LIFR: variants seen among roughly 807,000 people sequenced by gnomAD.
LIFR encodes the protein leukemia inhibitory factor receptor.
Under a neutral mutation model 122.2 loss-of-function variants are expected in LIFR, and 84 were observed. The ratio of observed to expected loss-of-function variants is 0.69; its 90% CI spans 0.58 to 0.82. The LOEUF is 0.82. Ranked by LOEUF, LIFR falls within the 40% of genes least tolerant of loss-of-function variation. The pLI, the probability that LIFR is intolerant of heterozygous loss-of-function variation, is 0.00. For missense variants in LIFR, 1,294 were observed against 1,311.6 expected (o/e 0.99, Z 0.21); for synonymous variants, 422 against 434.7 (o/e 0.97, Z 0.36).
chr5:38,544,908 T>C (rs1747791109), intron 1 of LIFR, among the ~76,000 whole-genome samples: 1 of 152,158 alleles, frequency 6.6e-6, no homozygotes, highest in Non-Finnish European at 1.5e-5. Context: ...GTAAACTGAA[T>C]AATGGATGAA....
Position 38,476,744 on chromosome 5 carries a change from ACT to A in LIFR, c.*4849_*4850del, listed in dbSNP as rs1743741035. 4.7e-6 allele frequency: 1 copy of A among 210,674 alleles called. No homozygotes were observed. The highest frequency in any genetic ancestry group is 7.2e-5 in the East Asian group (1 of 13,938). The allele number at this position is 210,674 out of a possible 1,614,324, so 13.1% of individuals were successfully genotyped here. On this transcript the variant is annotated 3_prime_UTR_variant, in exon 20 of 20. Transcript: ENST00000453190. ...TTTCTTTTATAAGAGCTTTTGATGT[ACT>A]GTTTCTACGGTTCTTTAGGCACTTA...
At chr5:38,525,864 C>A (rs1288726733) in intron 4 of LIFR, among the ~76,000 whole-genome samples, 1 of 152,176 alleles carries the variant, frequency 6.6e-6, no homozygotes, top group East Asian at 1.9e-4. Flanking sequence ...ATTTATGAAA[C>A]ACGGGAGTAT....
chr5:38,488,703 ACT>A (rs996054404), intron 16 of LIFR, among the ~76,000 whole-genome samples: 3 of 152,144 alleles, frequency 2.0e-5, no homozygotes, highest in African/African-American at 7.2e-5. Context: ...TCTGAAGCTA[ACT>A]CTTTGGATTC....
intron 1 of LIFR, among the ~76,000 whole-genome samples, chr5:38,538,921 A>ACCT (rs1747433447): frequency 6.6e-6 from 1 of 150,456 alleles, no homozygotes; most frequent in Non-Finnish European, 1.5e-5. Context: ...ATCTTCTTCC[A>ACCT]CCTCCTCTAC....
At chr5:38,487,811 C>T (rs1381613646) in intron 16 of LIFR, among the ~76,000 whole-genome samples, 2 of 152,060 alleles carry the variant, frequency 1.3e-5, no homozygotes, top group Non-Finnish European at 2.9e-5. Flanking sequence ...TTCAATCGAC[C>T]CCTCCGTTCA....
At chr5:38,482,919 A>C (rs951603790) in intron 18 of LIFR, among the ~76,000 whole-genome samples, 1 of 152,228 alleles carries the variant, frequency 6.6e-6, no homozygotes, top group Non-Finnish European at 1.5e-5. Context: ...GAAAATGGAA[A>C]GCAAGTAATT....
At chr5:38,485,308 C>T (rs531284333) in intron 17 of LIFR, among the ~76,000 whole-genome samples, 1 of 152,292 alleles carries the variant, frequency 6.6e-6, no homozygotes, top group South Asian at 2.1e-4. Flanking sequence ...ACCATATCCT[C>T]ATGGCTCTTT....
chr5:38,552,083 C>A (rs1160359097), intron 1 of LIFR, among the ~76,000 whole-genome samples: 1 of 151,966 alleles, frequency 6.6e-6, no homozygotes, highest in African/African-American at 2.4e-5. Context: ...AGACTGAGGA[C>A]CTAAAGAACC....
At position 38,510,573 on chromosome 5, in the gene LIFR, C is replaced by T. The variant is rs1745742866; in HGVS notation, c.882G>A (p.Gly294=). The part of the protein sequence containing the change: ...HTNCPLIHLD[G]ENVAIKIRNI... Reference sequence around the variant, plus strand: ...TACGAATCTTGATTGCAACATTTTCCCCATCAAGATGGATCAAGGGGCAGT... The same window carrying T: ...TACGAATCTTGATTGCAACATTTTCTCCATCAAGATGGATCAAGGGGCAGT... The change falls in exon 7 of 20, where the codon GGG becomes GGA. Residue 294 remains glycine (G), a synonymous_variant. Transcript: ENST00000453190. The T allele has an allele frequency of 2.5e-6, 4 of 1,613,910 alleles. No individual in the cohort carries two copies. The highest frequency in any genetic ancestry group is 3.4e-6 in the Non-Finnish European group (4 of 1,179,914).
chr5:38,526,607 T>C (rs1580116137), intron 4 of LIFR, among the ~76,000 whole-genome samples: 1 of 152,178 alleles, frequency 6.6e-6, no homozygotes, highest in African/African-American at 2.4e-5. Context: ...TTGCACACAG[T>C]AGGTGCTCAA....
Position 38,481,529 on chromosome 5 carries a change from C to T in LIFR, c.*66G>A. 2 of 1,519,874 alleles carry T rather than the reference C, an allele frequency of 1.3e-6. No individual in the cohort carries two copies. Among genetic ancestry groups the T allele is most frequent in the Non-Finnish European group, 1.8e-6 (2 of 1,094,464 alleles). The allele number at this position is 1,519,874 out of a possible 1,614,324, so 94.1% of individuals were successfully genotyped here. A position where few individuals can be genotyped will look rare whatever the true frequency, so the allele number is the denominator to read the frequency against. ...AGGATCCCTCCAAGAATGCCCAGTG[C>T]TGATGTAGCAACACTAGCAGTAAGA... On this transcript the variant is annotated 3_prime_UTR_variant, in exon 20 of 20. Transcript: ENST00000453190.
rs747574607 is a variant in LIFR, at chr5:38,530,497, T to C, written c.142+9A>G. On this transcript the variant is annotated intron_variant, in intron 2 of 19. Transcript: ENST00000453190. ...ATCTGTTCATTCTCTGGAAGGCTGA[T>C]GCACTTACCCTTTTTCTGGCTATTT... 21 of 1,608,770 alleles carry C rather than the reference T, an allele frequency of 1.3e-5. 1 individual carries two copies. The South Asian group carries it at 2.1e-4, about 16-fold the overall frequency.
chr5:38,557,806 C>A (rs1214406269), upstream of LIFR: 1 of 152,476 alleles, frequency 6.6e-6, no homozygotes, highest in Non-Finnish European at 1.5e-5. Flanking sequence ...CAGCTAGATA[C>A]GGTCGCTATT....
intron 13 of LIFR, among the ~76,000 whole-genome samples, chr5:38,494,326 G>T (rs977737913): frequency 6.6e-6 from 1 of 152,182 alleles, no homozygotes; most frequent in African/African-American, 2.4e-5. Context: ...GGGTTGTCTG[G>T]CTGACCAGGG....
At chr5:38,521,149 T>C (rs1338324959) in intron 5 of LIFR, among the ~76,000 whole-genome samples, 4 of 152,198 alleles carry the variant, frequency 2.6e-5, no homozygotes, top group African/African-American at 9.6e-5. Context: ...TTCCAACTAC[T>C]TGGTTAAATT....
At chr5:38,487,019 C>T (rs1196632073) in intron 16 of LIFR, among the ~76,000 whole-genome samples, 1 of 152,112 alleles carries the variant, frequency 6.6e-6, no homozygotes, top group Non-Finnish European at 1.5e-5. Context: ...TTCCCATATC[C>T]TCCAATGTAC....
chr5:38,551,746 A>G (rs1040563465), intron 1 of LIFR, among the ~76,000 whole-genome samples: 2 of 152,228 alleles, frequency 1.3e-5, no homozygotes, highest in East Asian at 1.9e-4. Context: ...CCTCTGTGCA[A>G]AAGTATAGAA....
intron 10 of LIFR, 81 bp from the exon 11 acceptor site, chr5:38,502,880 CTT>C: frequency 3.8e-6 from 3 of 784,996 alleles, no homozygotes; most frequent in Non-Finnish European, 5.5e-6. Flanking sequence ...CATACATACA[CTT>C]TTTTTTGGTA....
At chr5:38,575,655 T>C (rs1198513501) in intron 1 of LIFR, among the ~76,000 whole-genome samples, 1 of 152,180 alleles carries the variant, frequency 6.6e-6, no homozygotes, top group Non-Finnish European at 1.5e-5. Flanking sequence ...TGGGCAGCTG[T>C]GGTTTGGGGC....
Sources: gnomAD v4.1 joint callset for allele counts (sites outside exome capture counted in the v4.1 genomes callset) on GRCh38, gnomAD v4.1.1 for gene constraint, MANE v1.5 for transcripts, NCBI Gene and HGNC (gene_info 2026-07-23, HGNC 2026-07-21) for gene names.